LAMA3: variants seen among roughly 807,000 people sequenced by gnomAD.
The protein encoded by LAMA3 is laminin subunit alpha 3.
Under a neutral mutation model 402.0 loss-of-function variants are expected in LAMA3, and 281 were observed. The observed-to-expected ratio is 0.70, with a 90% CI of 0.63 to 0.77. LAMA3 has a LOEUF of 0.77. LAMA3 is among the 30% of genes least tolerant of loss of function. The pLI, the probability that LAMA3 is intolerant of heterozygous loss-of-function variation, is 0.00. For synonymous variants in LAMA3, 1,431 were observed against 1,558.4 expected, an observed-to-expected ratio of 0.92 and a Z score of 1.93; for missense variants, 3,840 against 4,215.5, an observed-to-expected ratio of 0.91 and a Z score of 2.47.
chr18:23,899,793 A>G (rs2081006213), intron 47 of LAMA3: 1 of 249,248 alleles, frequency 4.0e-6, no homozygotes, highest in African/African-American at 2.3e-5. Flanking sequence ...TGGTCACCTC[A>G]CCACTACTGA....
At chr18:23,793,347 TCCAG>T (rs777137736) in intron 12 of LAMA3, among the ~76,000 whole-genome samples, 4 of 151,974 alleles carry the variant, frequency 2.6e-5, no homozygotes, top group Non-Finnish European at 5.9e-5. Context: ...GGGCAGTCCC[TCCAG>T]GGTCAGCAAG....
At chr18:23,891,599 G>T (rs997929521) in intron 42 of LAMA3, among the ~76,000 whole-genome samples, 3 of 152,218 alleles carry the variant, frequency 2.0e-5, no homozygotes, top group Admixed American at 1.3e-4. Context: ...AGTCTAGAAT[G>T]ATGGGCCAAT....
chr18:23,949,024 C>G (rs1022242954), intron 70 of LAMA3, among the ~76,000 whole-genome samples: 3 of 152,154 alleles, frequency 2.0e-5, no homozygotes, highest in Non-Finnish European at 4.4e-5. Flanking sequence ...CAGTCCTCCC[C>G]AGGAAAATGC....
At chr18:23,884,050 GTGT>G (rs1568296258) in intron 40 of LAMA3, among the ~76,000 whole-genome samples, 180 of 1,836 alleles carry the variant, frequency 0.098, no homozygotes, top group African/African-American at 0.23. Flanking sequence ...TCTCTTTGGT[GTGT>G]GTGTGTGTGT....
intron 64 of LAMA3, among the ~76,000 whole-genome samples, chr18:23,929,009 A>G (rs1170001553): frequency 2.0e-5 from 3 of 152,206 alleles, no homozygotes; most frequent in Non-Finnish European, 4.4e-5. Context: ...TCGCGGACTC[A>G]TTTTTATTCT....
intron 58 of LAMA3, among the ~76,000 whole-genome samples, 166 bp downstream of exon 58, chr18:23,915,026 G>A (rs548584760): frequency 6.6e-6 from 1 of 152,268 alleles, no homozygotes; most frequent in African/African-American, 2.4e-5. Flanking sequence ...CTTCCTCTGT[G>A]CACTGTTCTA....
At chr18:23,940,204 C>A (rs959258370) in intron 68 of LAMA3, among the ~76,000 whole-genome samples, 1 of 152,120 alleles carries the variant, frequency 6.6e-6, no homozygotes, top group Non-Finnish European at 1.5e-5. Flanking sequence ...TGGCTGTGGG[C>A]CTGCAGATAC....
chr18:23,833,176 G>T (rs9946271), intron 23 of LAMA3, among the ~76,000 whole-genome samples: 25,355 of 152,108 alleles, frequency 0.17, 3,168 homozygotes, highest in East Asian at 0.59. Flanking sequence ...TTTTGGTTTT[G>T]CAGGCCCTGT....
intron 70 of LAMA3, among the ~76,000 whole-genome samples, chr18:23,949,285 CTT>C (rs1020417175): frequency 2.6e-5 from 4 of 152,174 alleles, no homozygotes; most frequent in Admixed American, 6.5e-5. Flanking sequence ...ATTTTGGCCT[CTT>C]TATTTTTGTC....
At chr18:23,693,586 A>G (rs1037936956) in intron 1 of LAMA3, among the ~76,000 whole-genome samples, 1 of 151,762 alleles carries the variant, frequency 6.6e-6, no homozygotes, top group Admixed American at 6.6e-5. Flanking sequence ...CACATTTGCC[A>G]TGCTAAATAA....
intron 62 of LAMA3, among the ~76,000 whole-genome samples, chr18:23,925,830 A>G (rs1488407010): frequency 2.6e-5 from 4 of 152,126 alleles, no homozygotes; most frequent in African/African-American, 9.7e-5. Flanking sequence ...GCTGTAGGTA[A>G]CTCTTCTAGA....
At chr18:23,937,249 C>A (rs1001560117) in intron 67 of LAMA3, among the ~76,000 whole-genome samples, 2 of 151,852 alleles carry the variant, frequency 1.3e-5, no homozygotes, top group Non-Finnish European at 2.9e-5. Flanking sequence ...ACCTGTAATC[C>A]CAGCCACTGG....
At chr18:23,751,144 C>T (rs1001598935) in intron 5 of LAMA3, 56 bp downstream of exon 5, 2 of 1,562,288 alleles carry the variant, frequency 1.3e-6, no homozygotes, top group Non-Finnish European at 1.8e-6. Flanking sequence ...TTTGGCTTAC[C>T]AAATTAATTG....
At chr18:23,931,320 A>G in intron 65 of LAMA3, 119 bp downstream of exon 65, 1 of 834,234 alleles carries the variant, frequency 1.2e-6, no homozygotes, top group Non-Finnish European at 2.0e-6. Flanking sequence ...TACTTCACTA[A>G]TAAGTCTTGT....
rs1228450953 is a variant in LAMA3, at chr18:23,715,925, T to C, written c.447+1853T>C. On this transcript the variant is annotated intron_variant, in intron 2 of 74. Transcript: ENST00000313654. Reference sequence around the variant, plus strand: ...TTCTTTTCATTTCGATTGGGCAGTTTTGTGACAGAAGGGCTTTCAACCTCT... The same window carrying C: ...TTCTTTTCATTTCGATTGGGCAGTTCTGTGACAGAAGGGCTTTCAACCTCT... Among the ~76,000 whole-genome samples the C allele has an allele frequency of 2.6e-5, 4 of 152,322 alleles. No individual in the cohort carries two copies. The East Asian group carries it at 7.7e-4, about 29-fold the overall frequency.
chr18:23,721,970 C>A (rs1170385957), intron 2 of LAMA3, among the ~76,000 whole-genome samples: 1 of 152,198 alleles, frequency 6.6e-6, no homozygotes, highest in African/African-American at 2.4e-5. Context: ...GTGTTGTTCT[C>A]CCTGATTAGT....
intron 59 of LAMA3, among the ~76,000 whole-genome samples, chr18:23,915,664 A>T (rs1402441677): frequency 2.0e-5 from 3 of 152,162 alleles, no homozygotes; most frequent in Admixed American, 1.3e-4. Context: ...AAAAGTCTTT[A>T]TGAAAATTTT....
At chr18:23,916,125 T>A (rs1263720875) in intron 59 of LAMA3, among the ~76,000 whole-genome samples, 4 of 152,064 alleles carry the variant, frequency 2.6e-5, no homozygotes, top group Non-Finnish European at 4.4e-5. Flanking sequence ...CACCTCAATC[T>A]TTTTGAAAAT....
chr18:23,842,841 C>A, intron 29 of LAMA3, 91 bp downstream of exon 29: 3 of 1,510,960 alleles, frequency 2.0e-6, no homozygotes, highest in Non-Finnish European at 2.8e-6. Context: ...ATAATTCTTC[C>A]AAGGAATTGA....
Sources: gnomAD v4.1 joint callset for allele counts (sites outside exome capture counted in the v4.1 genomes callset) on GRCh38, gnomAD v4.1.1 for gene constraint, MANE v1.5 for transcripts, NCBI Gene and HGNC (gene_info 2026-07-23, HGNC 2026-07-21) for gene names.